The following KIAA1328 variants were observed in gnomAD, a reference collection of about 807,000 sequenced individuals.
KIAA1328 encodes protein hinderin.
In KIAA1328, 52 loss-of-function variants were observed where a neutral mutation model predicts 68.1. That is an observed-to-expected ratio of 0.76 (90% CI 0.61 to 0.96). The LOEUF (loss-of-function observed/expected upper bound fraction) is 0.96, where lower values mean the gene tolerates loss of function less well. Among genes scored for constraint, KIAA1328 ranks in the 40% least tolerant of loss-of-function variants. KIAA1328 has a pLI of 0.00. For missense variants in KIAA1328, 641 were observed against 677.6 expected, an observed-to-expected ratio of 0.95 and a Z score of 0.60; for synonymous variants, 232 against 239.4, an observed-to-expected ratio of 0.97 and a Z score of 0.28.
intron 6 of KIAA1328, among the ~76,000 whole-genome samples, chr18:36,978,802 T>C (rs947457328): frequency 2.0e-5 from 3 of 152,224 alleles, no homozygotes; most frequent in Non-Finnish European, 4.4e-5. Context: ...AGTCCCATAG[T>C]TGCATTTGAG....
intron 4 of KIAA1328, among the ~76,000 whole-genome samples, chr18:36,845,644 C>T (rs764096598): frequency 6.6e-5 from 10 of 151,278 alleles, no homozygotes; most frequent in South Asian, 4.2e-4. Context: ...AAGAAGAGAA[C>T]GTGATGGGTA....
intron 7 of KIAA1328, among the ~76,000 whole-genome samples, chr18:37,158,724 G>A (rs1406847203): frequency 1.3e-5 from 2 of 152,128 alleles, no homozygotes; most frequent in Non-Finnish European, 2.9e-5. Flanking sequence ...GTGGAATTTT[G>A]AATAAAGGTA....
chr18:37,084,462 CTTTTTTG>C (rs1303770837), intron 7 of KIAA1328: 14 of 215,342 alleles, frequency 6.5e-5, no homozygotes, highest in South Asian at 2.0e-4. Context: ...TCTACTATTT[CTTTTTTG>C]TTTTTTGTTT....
intron 7 of KIAA1328, among the ~76,000 whole-genome samples, chr18:37,076,459 C>A (rs1199002371): frequency 6.6e-6 from 1 of 151,656 alleles, no homozygotes; most frequent in African/African-American, 2.4e-5. Flanking sequence ...CAAAAGCTAG[C>A]AGAAGACTAG....
intron 9 of KIAA1328, among the ~76,000 whole-genome samples, chr18:37,184,952 A>G (rs1166521060): frequency 6.6e-6 from 1 of 152,010 alleles, no homozygotes; most frequent in East Asian, 1.9e-4. Context: ...TCACGAGGTC[A>G]GGAGATCAAG....
intron 5 of KIAA1328, among the ~76,000 whole-genome samples, chr18:36,943,118 C>G (rs1321809277): frequency 6.6e-6 from 1 of 152,106 alleles, no homozygotes; most frequent in Non-Finnish European, 1.5e-5. Context: ...GAGTGCCTTC[C>G]TTGTTTGTTT....
rs59343128 is a variant in KIAA1328 at position 37,121,416 on chromosome 18, T to TTCTATCTATCTA, written c.1233-38750_1233-38739dup. 9.9e-3 allele frequency among the ~76,000 whole-genome samples: 1,468 copies of TTCTATCTATCTA among 148,814 alleles called. 9 individuals are homozygous for TTCTATCTATCTA. Among genetic ancestry groups the TTCTATCTATCTA allele is most frequent in the East Asian group, 0.014 (70 of 4,970 alleles). ...AGAAAGTGTGCCATCATTTTAGGACTTCTATCTATCTATCTATCTATCTAT... is the reference window on the plus strand; with the variant it reads ...AGAAAGTGTGCCATCATTTTAGGACTTCTATCTATCTATCTATCTATCTATCTATCTATCTAT... On this transcript the variant is annotated intron_variant, in intron 7 of 9. Transcript: ENST00000280020.
chr18:36,833,389 G>T (rs565481132), intron 1 of KIAA1328: 2 of 152,298 alleles, frequency 1.3e-5, no homozygotes, highest in South Asian at 4.1e-4. Flanking sequence ...AAGCTATAAG[G>T]TAGGAGCTTG....
chr18:37,160,489 T>C (rs1458946340), intron 8 of KIAA1328, 108 bp downstream of exon 8: 1 of 975,210 alleles, frequency 1.0e-6, no homozygotes, highest in African/African-American at 1.6e-5. Flanking sequence ...AGTTAAATGT[T>C]TACACACTGA....
At chr18:37,141,474 A>G (rs1307902245) in intron 7 of KIAA1328, among the ~76,000 whole-genome samples, 1 of 152,214 alleles carries the variant, frequency 6.6e-6, no homozygotes, top group African/African-American at 2.4e-5. Flanking sequence ...AGTATATTAC[A>G]ACTTGTTTAT....
chr18:36,918,459 C>T (rs1169398857), intron 5 of KIAA1328, among the ~76,000 whole-genome samples: 1 of 141,484 alleles, frequency 7.1e-6, no homozygotes, highest in East Asian at 2.1e-4. Context: ...GTCGGCCAGG[C>T]TAGAGTGCAG....
At chr18:36,844,156 G>T (rs757230425) in intron 3 of KIAA1328, 52 bp from the exon 4 acceptor site, 37 of 1,252,224 alleles carry the variant, frequency 3.0e-5, no homozygotes, top group Non-Finnish European at 3.7e-5. Context: ...TTCTTGAAAA[G>T]ACTTTAAAAA....
At chr18:37,110,068 C>A (rs1268621077) in intron 7 of KIAA1328, among the ~76,000 whole-genome samples, 2 of 149,456 alleles carry the variant, frequency 1.3e-5, no homozygotes, top group Non-Finnish European at 3.0e-5. Flanking sequence ...AAAAAAAAAT[C>A]ACTTATTTTT....
intron 5 of KIAA1328, among the ~76,000 whole-genome samples, chr18:36,920,347 A>C (rs555467080): frequency 1.3e-5 from 2 of 152,264 alleles, no homozygotes; most frequent in South Asian, 4.2e-4. Context: ...ATTGTGGAAG[A>C]TTAGAGGTTG....
intron 9 of KIAA1328, among the ~76,000 whole-genome samples, chr18:37,212,224 G>A (rs1029865221): frequency 1.3e-5 from 2 of 152,200 alleles, no homozygotes; most frequent in African/African-American, 2.4e-5. Context: ...CAAAGAATGT[G>A]TTGATTGAAC....
chr18:37,136,151 G>A (rs942495975), intron 7 of KIAA1328, among the ~76,000 whole-genome samples: 1 of 152,280 alleles, frequency 6.6e-6, no homozygotes. Context: ...AGATAGACAC[G>A]TAGGCTGGTC....
At chr18:36,898,693 T>G (rs2048941684) in intron 5 of KIAA1328, among the ~76,000 whole-genome samples, 1 of 152,024 alleles carries the variant, frequency 6.6e-6, no homozygotes, top group Non-Finnish European at 1.5e-5. Flanking sequence ...CACACTTTTT[T>G]AAAGTCTTGG....
intron 4 of KIAA1328, among the ~76,000 whole-genome samples, chr18:36,874,037 A>G (rs1473680251): frequency 6.6e-6 from 1 of 152,214 alleles, no homozygotes; most frequent in Non-Finnish European, 1.5e-5. Flanking sequence ...TCATGGCTGC[A>G]TAGTATTCCA....
intron 4 of KIAA1328, among the ~76,000 whole-genome samples, chr18:36,864,714 A>G (rs536491089): frequency 1.3e-4 from 19 of 148,884 alleles, no homozygotes; most frequent in Middle Eastern, 7.1e-3. Context: ...GCTAATTCTT[A>G]TTTAAATATT....
Sources: allele counts gnomAD v4.1 joint callset (sites outside exome capture counted in the v4.1 genomes callset), GRCh38; gene constraint gnomAD v4.1.1; transcripts MANE v1.5; gene names NCBI Gene and HGNC (gene_info 2026-07-23, HGNC 2026-07-21).